RTTN: variants seen among roughly 807,000 people sequenced by gnomAD.
RTTN encodes rotatin.
In RTTN, 182 loss-of-function variants were observed where a neutral mutation model predicts 269.2. That is an observed-to-expected ratio of 0.68 (90% confidence interval 0.60 to 0.76). The LOEUF (loss-of-function observed/expected upper bound fraction) is 0.76, where lower values mean the gene tolerates loss of function less well. RTTN is among the 30% of genes least tolerant of loss of function. The probability of loss-of-function intolerance (pLI) is 0.00; values close to 1 mark genes in which losing one functional copy is unlikely to be tolerated. For missense variants in RTTN, 2,545 were observed against 2,608.6 expected, an observed-to-expected ratio of 0.98 and a Z score of 0.53; for synonymous variants, 1,006 against 963.5, an observed-to-expected ratio of 1.04 and a Z score of -0.82.
chr18:70,013,809 T>C (rs1025063238), intron 46 of RTTN, among the ~76,000 whole-genome samples: 3 of 152,118 alleles, frequency 2.0e-5, no homozygotes, highest in African/African-American at 7.2e-5. Context: ...GTTCTTAAAG[T>C]TTTTACCCAT....
chr18:70,190,765 CAA>C (rs1343642807), intron 8 of RTTN, 46 bp from the exon 9 acceptor site: 1 of 1,410,170 alleles, frequency 7.1e-7, no homozygotes, highest in East Asian at 2.3e-5. Context: ...AAACAATCCC[CAA>C]ACAGATTTAC....
At chr18:70,144,756 T>C (rs758429386) in intron 18 of RTTN, among the ~76,000 whole-genome samples, 3 of 152,274 alleles carry the variant, frequency 2.0e-5, no homozygotes, top group East Asian at 1.9e-4. Flanking sequence ...TAGAAGAACA[T>C]AATGTGTTTC....
intron 40 of RTTN, among the ~76,000 whole-genome samples, chr18:70,033,714 A>C (rs1483403447): frequency 6.7e-6 from 1 of 148,390 alleles, no homozygotes. Context: ...CACAAGAAAT[A>C]ATCAGAATCA....
intron 11 of RTTN, among the ~76,000 whole-genome samples, chr18:70,173,639 C>A (rs1194015778): frequency 6.6e-6 from 1 of 152,156 alleles, no homozygotes; most frequent in East Asian, 1.9e-4. Context: ...CCCATACCTG[C>A]ATTTTAGTGT....
At chr18:70,068,381 T>C (rs2058202271) in intron 34 of RTTN, among the ~76,000 whole-genome samples, 2 of 152,216 alleles carry the variant, frequency 1.3e-5, no homozygotes, top group Admixed American at 1.3e-4. Context: ...TTAAGGGATT[T>C]GTCTGAGTTG....
chr18:70,137,544 C>A (rs975333691), intron 21 of RTTN, among the ~76,000 whole-genome samples: 1 of 152,060 alleles, frequency 6.6e-6, no homozygotes, highest in African/African-American at 2.4e-5. Flanking sequence ...AGGCCCTGCA[C>A]GAACTGCCCT....
intron 26 of RTTN, among the ~76,000 whole-genome samples, chr18:70,117,187 C>T (rs1334063630): frequency 6.6e-6 from 1 of 152,006 alleles, no homozygotes; most frequent in African/African-American, 2.4e-5. Context: ...TTCATATCTG[C>T]CTAATTTTGT....
intron 27 of RTTN, among the ~76,000 whole-genome samples, chr18:70,110,521 T>C (rs1371466676): frequency 6.6e-6 from 1 of 152,082 alleles, no homozygotes; most frequent in Non-Finnish European, 1.5e-5. Flanking sequence ...GAGGAACTCC[T>C]GCACAGATAC....
chr18:70,092,356 CAA>C (rs1428540190), intron 29 of RTTN, 136 bp from the exon 30 acceptor site: 2 of 641,920 alleles, frequency 3.1e-6, no homozygotes, highest in African/African-American at 3.7e-5. Context: ...ATTATTCAGC[CAA>C]AAAAGGCAAA....
intron 28 of RTTN, among the ~76,000 whole-genome samples, chr18:70,108,676 T>A (rs567694019): frequency 3.3e-5 from 5 of 152,082 alleles, no homozygotes; most frequent in Admixed American, 2.0e-4. Flanking sequence ...ACAACCTAAC[T>A]GAAATGTTTC....
chr18:70,201,502 G>A (rs1718625158), intron 4 of RTTN, among the ~76,000 whole-genome samples: 2 of 149,136 alleles, frequency 1.3e-5, no homozygotes, highest in Admixed American at 1.3e-4. Flanking sequence ...CAGCTACTTG[G>A]GAGGCTGAGG....
chr18:70,051,365 G>A lies in RTTN; in HGVS notation c.5323+46C>T, dbSNP rs78515288. 5,963 of 1,552,854 alleles carry A rather than the reference G, an allele frequency of 3.8e-3. 310 individuals are homozygous for A. The East Asian group carries it at 0.12, about 31-fold the overall frequency. ...CCTAAACAGGCAGAATCATTATCTC[G>A]TTTTATTAGCAGAAAGCCCCCAAGA... On this transcript the variant is annotated intron_variant, in intron 39 of 48. Transcript: ENST00000640769.
At chr18:70,174,694 T>G (rs958808631) in intron 11 of RTTN, among the ~76,000 whole-genome samples, 11 of 150,850 alleles carry the variant, frequency 7.3e-5, no homozygotes, top group African/African-American at 1.9e-4. Flanking sequence ...AAAATGTATG[T>G]TAGATAATAA....
At chr18:70,182,517 A>G (rs1310718165) in intron 10 of RTTN, among the ~76,000 whole-genome samples, 8 of 152,120 alleles carry the variant, frequency 5.3e-5, no homozygotes, top group Admixed American at 5.2e-4. Flanking sequence ...GAGGGGAAGG[A>G]AGAAAGGGAG....
At position 70,059,754 on chromosome 18, in the gene RTTN, T is replaced by C. The variant is rs1432730732; in HGVS notation, c.4940+96A>G. On this transcript the variant is annotated intron_variant, in intron 36 of 48. Coordinates refer to ENST00000640769, the MANE Select transcript of RTTN (RefSeq NM_173630.4). ...GAGCCTAAAAAAGAATAAAGCTGTA[T>C]TTCCAGGTCACAAGAAATCTTGTAT... The C allele has an allele frequency of 1.8e-5, 15 of 814,336 alleles. No individual in the cohort carries two copies. In the East Asian group the frequency reaches 3.9e-4, roughly 21 times the overall value. The allele number at this position is 814,336 out of a possible 1,614,324, so 50.4% of individuals were successfully genotyped here.
At chr18:70,128,787 A>G (rs2059929512) in intron 23 of RTTN, 1 of 376,784 alleles carries the variant, frequency 2.7e-6, no homozygotes, top group East Asian at 4.3e-5. Flanking sequence ...ATTCTATGCT[A>G]TATTAGAGTT....
Position 70,092,211 on chromosome 18 carries a change from A to G in RTTN, c.4042T>C (p.Ser1348Pro). ...MAQAGSLEWMSLWFLPLGSHS... is the reference protein window; with the variant it reads ...MAQAGSLEWMPLWFLPLGSHS... ...CTACCCAAAGGCAAGAACCAAAGTG[A>G]CATCCACTCCTAGAGGGAAAAAAGG... Residue 1348 changes from serine (S) to proline (P), a missense_variant, in exon 30 of 49, where the codon TCA becomes CCA. Ser to Pro is a moderately conservative substitution (Grantham distance 74, BLOSUM62 -1). Coordinates refer to ENST00000640769, the MANE Select transcript of RTTN (RefSeq NM_173630.4). The G allele has an allele frequency of 6.3e-7, 1 of 1,597,816 alleles. No individual in the cohort carries two copies. Among genetic ancestry groups the G allele is most frequent in the African/African-American group, 1.3e-5 (1 of 74,684 alleles).
intron 28 of RTTN, among the ~76,000 whole-genome samples, chr18:70,100,485 C>T (rs541995521): frequency 5.1e-4 from 77 of 152,264 alleles, no homozygotes; most frequent in Admixed American, 9.8e-4. Context: ...TGGGCTGAGA[C>T]GATGGGGTTT....
chr18:70,127,612 A>C lies in RTTN; in HGVS notation c.3273T>G (p.Ala1091=), dbSNP rs1444892545. 2 of 1,613,508 alleles carry C rather than the reference A, an allele frequency of 1.2e-6. No homozygotes were observed. The highest frequency in any genetic ancestry group is 1.3e-5 in the African/African-American group (1 of 74,888). The change falls in exon 25 of 49, where the codon GCT becomes GCG. Residue 1091 remains alanine, a synonymous_variant. Transcript: ENST00000640769. ...GAAGATAAAAACTCATCCTGGTGAC[A>C]GCAGCCCTAACTTCCCTGTGGGTTG... ...QAATHREVRA[A]VTRMSFYLLN...
Sources: gnomAD v4.1 joint callset for allele counts (sites outside exome capture counted in the v4.1 genomes callset) on GRCh38, gnomAD v4.1.1 for gene constraint, MANE v1.5 for transcripts, NCBI Gene and HGNC (gene_info 2026-07-23, HGNC 2026-07-21) for gene names.